VPS13B: variants seen among roughly 807,000 people sequenced by gnomAD.
VPS13B encodes the protein vacuolar protein sorting 13 homolog B, also known as intermembrane lipid transfer protein VPS13B.
A neutral mutation model predicts 426.4 loss-of-function variants in VPS13B; 285 were observed. That is an observed-to-expected ratio of 0.67 (90% confidence interval 0.61 to 0.74). The LOEUF (loss-of-function observed/expected upper bound fraction) is 0.74, where lower values mean the gene tolerates loss of function less well. Among genes scored for constraint, VPS13B ranks in the 30% least tolerant of loss-of-function variants. The probability of loss-of-function intolerance (pLI) is 0.00; values close to 1 mark genes in which losing one functional copy is unlikely to be tolerated. For synonymous variants in VPS13B, 1,676 were observed against 1,676.4 expected, an observed-to-expected ratio of 1.00 and a Z score of 0.01; for missense variants, 4,537 against 4,782.6, an observed-to-expected ratio of 0.95 and a Z score of 1.51.
intron 39 of VPS13B, among the ~76,000 whole-genome samples, chr8:99,736,117 G>C (rs190895325): frequency 6.6e-6 from 1 of 152,302 alleles, no homozygotes; most frequent in Non-Finnish European, 1.5e-5. Context: ...AGTATGTGTG[G>C]AAAGGATTGA....
chr8:99,429,235 C>G (rs1460659805), intron 21 of VPS13B, among the ~76,000 whole-genome samples: 8 of 146,284 alleles, frequency 5.5e-5, no homozygotes. Context: ...ACATATGTAA[C>G]AAACCTGCAC....
intron 33 of VPS13B, among the ~76,000 whole-genome samples, chr8:99,633,701 T>C (rs1160621042): frequency 6.6e-6 from 1 of 151,970 alleles, no homozygotes; most frequent in East Asian, 1.9e-4. Flanking sequence ...GTACACACAG[T>C]AGCCACTTTG....
intron 19 of VPS13B, among the ~76,000 whole-genome samples, chr8:99,360,143 T>C (rs374118067): frequency 3.2e-5 from 1 of 31,694 alleles, no homozygotes; most frequent in Non-Finnish European, 5.7e-5. Context: ...TCTTTCTTTC[T>C]TTCTTTCTTT....
chr8:99,817,767 GGAATCCAAAGCCCCT>G lies in VPS13B; in HGVS notation c.8328_8342del (p.Ser2777_Glu2781del). On this transcript the variant is annotated inframe_deletion, in exon 45 of 62. Coordinates refer to ENST00000357162, the MANE Select transcript of VPS13B (RefSeq NM_152564.5). ...AAGACTGGTCAAGAGATGTGTGCCT[GGAATCCAAAGCCCCT>G]GAGTACAGCATTGTCATTCAGGTTT... is the stretch of plus-strand genomic sequence containing the variant. 1 of 1,614,024 alleles carries G rather than the reference GGAATCCAAAGCCCCT, an allele frequency of 6.2e-7. No individual in the cohort carries two copies. The highest frequency in any genetic ancestry group is 8.5e-7 in the Non-Finnish European group (1 of 1,179,966).
At position 99,683,470 on chromosome 8, in the gene VPS13B, C is replaced by A. The variant is rs148581927; in HGVS notation, c.6047-16055C>A. ...TTACTATGTTGTCTGCCTTCGAATT[C>A]ATGAATATGGTATGTGTATGGTATG... On this transcript the variant is annotated intron_variant, in intron 35 of 61. Transcript: ENST00000357162. Among the ~76,000 whole-genome samples, 62 of 152,264 alleles carry A rather than the reference C, an allele frequency of 4.1e-4. 1 individual carries two copies. In the East Asian group the frequency reaches 8.9e-3, roughly 22 times the overall value.
chr8:99,797,543 G>A (rs908252820), intron 43 of VPS13B, among the ~76,000 whole-genome samples: 34 of 152,256 alleles, frequency 2.2e-4, no homozygotes, highest in African/African-American at 7.9e-4. Context: ...ACAGAAAAGA[G>A]GCACTGATCT....
intron 16 of VPS13B, among the ~76,000 whole-genome samples, chr8:99,177,447 G>A (rs1444656626): frequency 6.6e-6 from 1 of 152,090 alleles, no homozygotes; most frequent in Non-Finnish European, 1.5e-5. Context: ...GAAATTAAAA[G>A]GATATAAAAA....
At chr8:99,536,623 A>T (rs767262593) in intron 30 of VPS13B, 1 of 534,062 alleles carries the variant, frequency 1.9e-6, no homozygotes, top group Non-Finnish European at 3.9e-6. Flanking sequence ...ATTATCCTTT[A>T]ACTGAATTGA....
rs1342637001 is a variant in VPS13B at position 99,876,519 on chromosome 8, T to A, written c.*853T>A. 6.6e-5 allele frequency: 10 copies of A among 152,196 alleles called. No individual in the cohort carries two copies. Among genetic ancestry groups the A allele is most frequent in the Admixed American group, 6.5e-4 (10 of 15,276 alleles). The allele number at this position is 152,196 out of a possible 1,614,324, so 9.4% of individuals were successfully genotyped here. ...TTTCTCTAGTTCCATAAACAAAACATACATAGTGGGAACTCCCTGGTATGC... is the reference window on the plus strand; with the variant it reads ...TTTCTCTAGTTCCATAAACAAAACAAACATAGTGGGAACTCCCTGGTATGC... On this transcript the variant is annotated 3_prime_UTR_variant, in exon 62 of 62. Coordinates refer to ENST00000357162, the MANE Select transcript of VPS13B (RefSeq NM_152564.5).
chr8:99,199,710 C>G (rs1814184921), intron 17 of VPS13B, among the ~76,000 whole-genome samples: 1 of 152,044 alleles, frequency 6.6e-6, no homozygotes, highest in Non-Finnish European at 1.5e-5. Context: ...TAACATTAGT[C>G]TTTTTCCTTT....
chr8:99,580,712 T>A (rs926610448), intron 33 of VPS13B, among the ~76,000 whole-genome samples: 6 of 151,238 alleles, frequency 4.0e-5, no homozygotes, highest in Non-Finnish European at 8.8e-5. Context: ...ATTAGTTGCA[T>A]GTGGTGGTGT....
intron 19 of VPS13B, among the ~76,000 whole-genome samples, chr8:99,308,196 A>G (rs972413827): frequency 2.6e-5 from 4 of 150,984 alleles, no homozygotes; most frequent in African/African-American, 9.7e-5. Flanking sequence ...TTTTTTAATT[A>G]CACTTCAAGT....
Position 99,136,669 on chromosome 8 carries a change from C to A in VPS13B, c.1568C>A (p.Thr523Lys). Residue 523 changes from threonine (T) to lysine (K), a missense_variant, in exon 12 of 62, where the codon ACA becomes AAA. Thr to Lys is a moderately conservative substitution (Grantham distance 78, BLOSUM62 -1). Around this residue, in one of 2 missense-constraint regions of VPS13B, gnomAD observed 4,311 missense variants for 4,474.3 expected, o/e 0.96. Transcript: ENST00000357162. ...TTTGCATTGCTTTGTTGGCAGGAGACATACACTGAGATAGCTGGAATGCAA... is the reference window on the plus strand; with the variant it reads ...TTTGCATTGCTTTGTTGGCAGGAGAAATACACTGAGATAGCTGGAATGCAA... ...FILDSTHHKETYTEIAGMQRF... is the reference protein window; with the variant it reads ...FILDSTHHKEKYTEIAGMQRF... The A allele has an allele frequency of 6.2e-7, 1 of 1,613,482 alleles. No individual in the cohort carries two copies. Among genetic ancestry groups the A allele is most frequent in the Non-Finnish European group, 8.5e-7 (1 of 1,179,570 alleles).
At chr8:99,329,849 G>A (rs1810461170) in intron 19 of VPS13B, among the ~76,000 whole-genome samples, 1 of 151,900 alleles carries the variant, frequency 6.6e-6, no homozygotes, top group Non-Finnish European at 1.5e-5. Context: ...TTCCTTTCAA[G>A]CATGGTATTT....
At chr8:99,589,365 C>A (rs1400323887) in intron 33 of VPS13B, among the ~76,000 whole-genome samples, 2 of 151,592 alleles carry the variant, frequency 1.3e-5, no homozygotes, top group African/African-American at 4.9e-5. Flanking sequence ...CTCCCCCAAC[C>A]CCACAACAGT....
At chr8:99,176,477 A>G (rs187740262) in intron 16 of VPS13B, among the ~76,000 whole-genome samples, 44 of 152,320 alleles carry the variant, frequency 2.9e-4, no homozygotes, top group Middle Eastern at 3.4e-3. Context: ...ACACAGAGTG[A>G]TTCTGGAAGT....
At chr8:99,401,579 A>G (rs1815040494) in intron 21 of VPS13B, among the ~76,000 whole-genome samples, 1 of 152,172 alleles carries the variant, frequency 6.6e-6, no homozygotes, top group African/African-American at 2.4e-5. Context: ...ATATTAATAA[A>G]CTATGGCTGG....
At chr8:99,561,375 G>A (rs1224121768) in intron 31 of VPS13B, among the ~76,000 whole-genome samples, 1 of 152,066 alleles carries the variant, frequency 6.6e-6, no homozygotes, top group African/African-American at 2.4e-5. Context: ...CCAAATTGTA[G>A]CATATATCAG....
At chr8:99,421,398 C>A (rs1816364113) in intron 21 of VPS13B, among the ~76,000 whole-genome samples, 1 of 152,108 alleles carries the variant, frequency 6.6e-6, no homozygotes, top group Non-Finnish European at 1.5e-5. Context: ...TATTTATTAT[C>A]CATGATCCAT....
Sources: gnomAD v4.1 joint callset for allele counts (sites outside exome capture counted in the v4.1 genomes callset) on GRCh38, gnomAD v4.1.1 for gene constraint, gnomAD v4.1.1 regional missense constraint, MANE v1.5 for transcripts, NCBI Gene and HGNC (gene_info 2026-07-23, HGNC 2026-07-21) for gene names.